The following ZNF555 variants were observed in gnomAD, a reference collection of about 807,000 sequenced individuals.
The protein encoded by ZNF555 is zinc finger protein 555.
Under a neutral mutation model 14.0 loss-of-function variants are expected in ZNF555, and 10 were observed. The ratio of observed to expected loss-of-function variants is 0.72; its 90% CI spans 0.44 to 1.21. ZNF555 has a LOEUF of 1.21. Among genes scored for constraint, ZNF555 ranks in the 50% most tolerant of loss-of-function variants. The probability of loss-of-function intolerance (pLI) is 0.00; values close to 1 mark genes in which losing one functional copy is unlikely to be tolerated. For missense variants in ZNF555, 747 were observed against 762.0 expected, an observed-to-expected ratio of 0.98 and a Z score of 0.23; for synonymous variants, 277 against 262.4, an observed-to-expected ratio of 1.06 and a Z score of -0.54.
In ZNF555 at chr19:2,853,830, G is replaced by C. The variant is rs766356243; in HGVS notation, c.1765G>C (p.Glu589Gln). 3.7e-6 allele frequency: 6 copies of C among 1,613,816 alleles called. No homozygotes were observed. In the Admixed American group the frequency reaches 8.3e-5, roughly 22 times the overall value. ...LRRHVRIHTT[E>Q]KQYKCNVGHP... is the part of the protein sequence containing the mutation. ...GCGACATGTGAGAATACACACTACAGAAAAACAGTATAAGTGTAATGTAGG... is the reference window on the plus strand; with the variant it reads ...GCGACATGTGAGAATACACACTACACAAAAACAGTATAAGTGTAATGTAGG... The change falls in exon 4 of 4, where the codon GAA becomes CAA. Residue 589 changes from glutamate (E) to glutamine (Q), a missense_variant. Physicochemically the swap from Glu to Gln is conservative, Grantham distance 29 (BLOSUM62 2). Transcript: ENST00000334241.
chr19:2,853,433 G>A lies in ZNF555; in HGVS notation c.1368G>A (p.Gln456=), dbSNP rs1361229970. ...GAGAGAAACCCTATGAATGTAAGCA[G>A]TGTGGGAAAGCCTTCAGCTTGTCTG... The part of the protein sequence containing the change: ...HTREKPYECK[Q]CGKAFSLSAC... The change falls in exon 4 of 4, where the codon CAG becomes CAA. Residue 456 remains glutamine (Q), a synonymous_variant. Transcript: ENST00000334241. The A allele has an allele frequency of 1.4e-5, 23 of 1,614,170 alleles. No individual in the cohort carries two copies. Among genetic ancestry groups the A allele is most frequent in the Non-Finnish European group, 1.9e-5 (23 of 1,180,024 alleles).
chr19:2,841,562 C>T lies in ZNF555; in HGVS notation c.-11C>T, dbSNP rs1414242068. 3.9e-6 allele frequency: 6 copies of T among 1,543,942 alleles called. No individual in the cohort carries two copies. In the African/African-American group the frequency reaches 6.9e-5, roughly 18 times the overall value. On this transcript the variant is annotated 5_prime_UTR_variant, in exon 1 of 4. Coordinates refer to ENST00000334241, the MANE Select transcript of ZNF555 (RefSeq NM_152791.5). ...TCACCTGCGCCGGTAGCGAAGAAAT[C>T]GCCCCGGGACATGGTGAGTGTGGCG... is the stretch of plus-strand genomic sequence containing the variant.
rs1347483046 is a variant in ZNF555 at position 2,859,359 on chromosome 19, G to C, written c.*5407G>C. ...ATCGCGTGGCTGTGGCAGGTAGACA[G>C]CCCGTGCTCCAGAGGCCTTCATCTT... On this transcript the variant is annotated 3_prime_UTR_variant, in exon 4 of 4. Coordinates refer to ENST00000334241, the MANE Select transcript of ZNF555 (RefSeq NM_152791.5). The C allele has an allele frequency of 1.3e-5, 2 of 152,198 alleles. No homozygotes were observed. The highest frequency in any genetic ancestry group is 3.9e-4 in the East Asian group (2 of 5,190). The allele number at this position is 152,198 out of a possible 1,614,324, so 9.4% of individuals were successfully genotyped here.
intron 3 of ZNF555, 54 bp downstream of exon 3, chr19:2,851,705 C>A: frequency 7.2e-7 from 1 of 1,385,480 alleles, no homozygotes; most frequent in South Asian, 1.9e-5. Flanking sequence ...CTTAGTCTGT[C>A]ATTAAACTTT....
rs2087649542 is a variant in ZNF555, at chr19:2,853,158, G to C, written c.1093G>C (p.Glu365Gln). ...AAGACATGAAAGGATTCACACTGGA[G>C]AGAAACCCTACGAATGCAAACAGTG... ...FRRHERIHTG[E>Q]KPYECKQCGK... Residue 365 changes from glutamate (E) to glutamine (Q), a missense_variant, in exon 4 of 4, where the codon GAG (glutamate) becomes CAG (glutamine). Physicochemically the swap from Glu to Gln is conservative, Grantham distance 29 (BLOSUM62 2). Coordinates refer to ENST00000334241, the MANE Select transcript of ZNF555 (RefSeq NM_152791.5). 3 of 1,614,076 alleles carry C rather than the reference G, an allele frequency of 1.9e-6. No homozygotes were observed. The highest frequency in any genetic ancestry group is 1.7e-5 in the Admixed American group (1 of 59,996).
At chr19:2,843,787 C>A (rs777196739) in intron 1 of ZNF555, among the ~76,000 whole-genome samples, 1 of 152,168 alleles carries the variant, frequency 6.6e-6, no homozygotes, top group African/African-American at 2.4e-5. Context: ...AGTGTTTATC[C>A]TCTGCAATGC....
intron 3 of ZNF555, 73 bp from the exon 4 acceptor site, chr19:2,852,307 G>A (rs2087636861): frequency 1.9e-5 from 30 of 1,570,292 alleles, no homozygotes; most frequent in Non-Finnish European, 2.6e-5. Context: ...AAATGGTTAA[G>A]ATGCAGTCCT....
At position 2,852,510 on chromosome 19, in the gene ZNF555, G is replaced by A. The variant is rs141088568; in HGVS notation, c.445G>A (p.Gly149Arg). 1.7e-5 allele frequency: 27 copies of A among 1,613,918 alleles called. No individual in the cohort carries two copies. The highest frequency in any genetic ancestry group is 8.8e-5 in the South Asian group (8 of 91,086). Residue 149 changes from glycine to arginine, a missense_variant, in exon 4 of 4, where the codon GGA (glycine) becomes AGA (arginine). Transcript: ENST00000334241. The part of the protein sequence containing the change: ...GVKQYEYNTY[G>R]KVFMHRRTSL... The stretch of plus-strand genomic sequence containing the variant: ...AAAACAGTATGAATACAACACGTAC[G>A]GAAAAGTCTTCATGCATCGCCGCAC...
chr19:2,843,054 A>AG (rs1369194020), intron 1 of ZNF555, among the ~76,000 whole-genome samples: 1 of 152,220 alleles, frequency 6.6e-6, no homozygotes. Context: ...AAAAAAAAAA[A>AG]AAACTTCCAA....
Position 2,854,609 on chromosome 19 carries a change from C to T in ZNF555, c.*657C>T, listed in dbSNP as rs370204710. On this transcript the variant is annotated 3_prime_UTR_variant, in exon 4 of 4. Transcript: ENST00000334241. ...TTAGAATGAAGAAGAAGTAAGTCATCGCTGAGCTTTTGGGGTCACATTAAA... is the reference window on the plus strand; with the variant it reads ...TTAGAATGAAGAAGAAGTAAGTCATTGCTGAGCTTTTGGGGTCACATTAAA... 2.6e-5 allele frequency: 4 copies of T among 152,954 alleles called. No homozygotes were observed. The highest frequency in any genetic ancestry group is 4.1e-4 in the South Asian group (2 of 4,876). 9.5% of individuals were successfully genotyped at this position (152,954 alleles called of 1,614,324 possible).
intron 1 of ZNF555, among the ~76,000 whole-genome samples, chr19:2,848,375 A>G (rs547523712): frequency 1.2e-4 from 18 of 150,922 alleles, no homozygotes; most frequent in Non-Finnish European, 2.5e-4. Flanking sequence ...GATGGTCTCA[A>G]TCTCCTGACC....
At chr19:2,843,831 A>T (rs2087558880) in intron 1 of ZNF555, among the ~76,000 whole-genome samples, 1 of 152,156 alleles carries the variant, frequency 6.6e-6, no homozygotes, top group African/African-American at 2.4e-5. Context: ...CCCCGAACAC[A>T]GGGGCTGCCT....
At chr19:2,851,933 T>C (rs1453132697) in intron 3 of ZNF555, among the ~76,000 whole-genome samples, 2 of 152,128 alleles carry the variant, frequency 1.3e-5, no homozygotes, top group African/African-American at 4.8e-5. Context: ...GGCAGATCAC[T>C]TGAGGACAGG....
At position 2,853,893 on chromosome 19, in the gene ZNF555, G is replaced by A; in HGVS notation, c.1828G>A (p.Glu610Lys). ...PANEFMCSAS[E>K]KSHQERDLIK... is the part of the protein sequence containing the mutation. The stretch of plus-strand genomic sequence containing the variant: ...AAATGAATTCATGTGCAGTGCTTCA[G>A]AAAAGTCACACCAGGAGAGAGATCT... Residue 610 changes from glutamate to lysine, a missense_variant, in exon 4 of 4, where the codon GAA (glutamate) becomes AAA (lysine). Coordinates refer to ENST00000334241, the MANE Select transcript of ZNF555 (RefSeq NM_152791.5). 6.2e-7 allele frequency: 1 copy of A among 1,614,000 alleles called. No homozygotes were observed. The highest frequency in any genetic ancestry group is 8.5e-7 in the Non-Finnish European group (1 of 1,180,024).
In ZNF555 at chr19:2,850,704, G is replaced by T. The variant is rs2087621766; in HGVS notation, c.121G>T (p.Ala41Ser). The change falls in exon 2 of 4, where the codon GCC (alanine) becomes TCC (serine). Residue 41 changes from alanine to serine, a missense_variant. Ala to Ser is a moderately conservative substitution (Grantham distance 99, BLOSUM62 1). Transcript: ENST00000334241. ...GATGCTGGAGACCTTTCAGAACCTGGCCTCAGTAGGTAAGGATGACATCAT... is the reference window on the plus strand; with the variant it reads ...GATGCTGGAGACCTTTCAGAACCTGTCCTCAGTAGGTAAGGATGACATCAT... ...DVMLETFQNL[A>S]SVDDETQFKA... The T allele has an allele frequency of 5.6e-6, 9 of 1,613,528 alleles. No homozygotes were observed. Among genetic ancestry groups the T allele is most frequent in the Non-Finnish European group, 7.6e-6 (9 of 1,179,628 alleles).
chr19:2,851,083 C>T (rs12979759), intron 2 of ZNF555, among the ~76,000 whole-genome samples: 1 of 150,508 alleles, frequency 6.6e-6, no homozygotes, highest in African/African-American at 2.5e-5. Context: ...ACTGCAACCT[C>T]TGCCTCCCGA....
intron 1 of ZNF555, among the ~76,000 whole-genome samples, chr19:2,847,045 C>G (rs779822200): frequency 6.6e-6 from 1 of 152,090 alleles, no homozygotes; most frequent in African/African-American, 2.4e-5. Context: ...AGTTTAAATT[C>G]CAATCCATAC....
Position 2,853,546 on chromosome 19 carries a change from C to T in ZNF555, c.1481C>T (p.Ser494Phe), listed in dbSNP as rs1341166973. Residue 494 changes from serine to phenylalanine, a missense_variant, in exon 4 of 4, where the codon TCC (serine) becomes TTC (phenylalanine). Ser to Phe is a radical substitution (Grantham distance 155, BLOSUM62 -2). Coordinates refer to ENST00000334241, the MANE Select transcript of ZNF555 (RefSeq NM_152791.5). ...GGGAAAGCTTTCTATTGCCACATAT[C>T]CTTACAAAAACATATGAGAAGACAT... ...LCGKAFYCHI[S>F]LQKHMRRHTA... 1.2e-6 allele frequency: 2 copies of T among 1,610,968 alleles called. No individual in the cohort carries two copies. Among genetic ancestry groups the T allele is most frequent in the Non-Finnish European group, 1.7e-6 (2 of 1,177,704 alleles).
intron 1 of ZNF555, among the ~76,000 whole-genome samples, chr19:2,845,724 T>C (rs1400058651): frequency 6.6e-6 from 1 of 152,192 alleles, no homozygotes; most frequent in Admixed American, 6.5e-5. Context: ...TTGAGCATTT[T>C]TTCATATGCT....
Sources: allele counts gnomAD v4.1 joint callset (sites outside exome capture counted in the v4.1 genomes callset), GRCh38; gene constraint gnomAD v4.1.1; transcripts MANE v1.5; gene names NCBI Gene and HGNC (gene_info 2026-07-23, HGNC 2026-07-21).